PRKN: variants seen among roughly 807,000 people sequenced by gnomAD.
PRKN encodes the protein parkin RBR E3 ubiquitin protein ligase.
A neutral mutation model predicts 59.5 loss-of-function variants in PRKN; 56 were observed. The observed-to-expected ratio is 0.94, with a 90% confidence interval of 0.76 to 1.18. PRKN has a LOEUF of 1.18. Ranked by LOEUF, PRKN falls within the 50% of genes most tolerant of loss-of-function variation. The pLI is 0.00. For missense variants in PRKN, 657 were observed against 596.4 expected (o/e 1.10, Z -1.06); for synonymous variants, 250 against 222.1 (o/e 1.13, Z -1.12).
At chr6:162,014,628 A>G (rs1388551037) in intron 5 of PRKN, among the ~76,000 whole-genome samples, 1 of 152,092 alleles carries the variant, frequency 6.6e-6, no homozygotes, top group Non-Finnish European at 1.5e-5. Flanking sequence ...CTTCCTCCCT[A>G]TACCACTCCC....
At chr6:162,686,342 C>T (rs761960930) in intron 1 of PRKN, among the ~76,000 whole-genome samples, 1 of 152,116 alleles carries the variant, frequency 6.6e-6, no homozygotes, top group Non-Finnish European at 1.5e-5. Flanking sequence ...TAAATGATAA[C>T]TCCTGAGGAA....
At chr6:161,732,485 T>TGTG (rs113804410) in intron 7 of PRKN, among the ~76,000 whole-genome samples, 9,771 of 146,368 alleles carry the variant, frequency 0.067, 533 homozygotes, top group African/African-American at 0.14. Flanking sequence ...TTTTTTTTTT[T>TGTG]TGTGTGTGTG....
intron 1 of PRKN, among the ~76,000 whole-genome samples, chr6:162,502,397 GC>G (rs1793416049): frequency 6.6e-6 from 1 of 152,074 alleles, no homozygotes; most frequent in African/African-American, 2.4e-5. Context: ...CTGGGCTCAG[GC>G]CATTTCCCCA....
rs1490686171 is a variant in PRKN, at chr6:162,267,603, A to G, written c.172-4838T>C. ...TAATACAATTCTTTCTTTTTTTATA[A>G]CAATATATTAATCCAACAAGTAAGG... On this transcript the variant is annotated intron_variant, in intron 2 of 11. Transcript: ENST00000366898. Among the ~76,000 whole-genome samples the G allele has an allele frequency of 2.0e-5, 3 of 152,190 alleles. No individual in the cohort carries two copies. In the East Asian group the frequency reaches 5.8e-4, roughly 29 times the overall value.
chr6:161,502,295 G>A lies in PRKN; in HGVS notation c.1083+46559C>T, dbSNP rs150850330. On this transcript the variant is annotated intron_variant, in intron 9 of 11. Coordinates refer to ENST00000366898, the MANE Select transcript of PRKN (RefSeq NM_004562.3). This position sits in a 1 kb window ranked among gnomAD's most constrained non-coding sequence, Gnocchi z 4.0. ...CGCTGAGACATAAAGAGATTAAGAC[G>A]CTGTCAACCAAGCCAATAACAATAT... 3.2e-3 allele frequency among the ~76,000 whole-genome samples: 482 copies of A among 152,212 alleles called. 3 individuals are homozygous for A. The highest frequency in any genetic ancestry group is 0.01 in the African/African-American group (432 of 41,534).
rs753242642 is a variant in PRKN at position 161,462,657 on chromosome 6, T to C, written c.1084-75780A>G. The stretch of plus-strand genomic sequence containing the variant: ...ATATTAAAAAAATCAAAATTTAATA[T>C]GTCATTAACAGAGGTTAACTTGCTG... On this transcript the variant is annotated intron_variant, in intron 9 of 11. Transcript: ENST00000366898. The surrounding 1 kb of genome is among the most constrained non-coding windows in gnomAD (Gnocchi z 4.5). 2.6e-5 allele frequency among the ~76,000 whole-genome samples: 4 copies of C among 152,164 alleles called. No individual in the cohort carries two copies. The highest frequency in any genetic ancestry group is 6.5e-5 in the Admixed American group (1 of 15,274).
intron 8 of PRKN, among the ~76,000 whole-genome samples, chr6:161,557,252 C>A (rs1391180996): frequency 6.6e-6 from 1 of 152,024 alleles, no homozygotes; most frequent in African/African-American, 2.4e-5. Context: ...CTCATGGATT[C>A]TCTTAAGAAC....
At chr6:161,500,666 C>G (rs1449978559) in intron 9 of PRKN, among the ~76,000 whole-genome samples, 1 of 152,130 alleles carries the variant, frequency 6.6e-6, no homozygotes, top group Non-Finnish European at 1.5e-5. Flanking sequence ...TAATATCTCA[C>G]TGTCTGGAAG....
intron 2 of PRKN, among the ~76,000 whole-genome samples, chr6:162,440,884 T>C (rs114657084): frequency 9.3e-4 from 142 of 151,932 alleles, no homozygotes; most frequent in African/African-American, 3.3e-3. Context: ...TGTTCTAAGA[T>C]TATACAAGAA....
intron 1 of PRKN, among the ~76,000 whole-genome samples, chr6:162,608,003 T>C (rs1259999582): frequency 6.6e-6 from 1 of 152,184 alleles, no homozygotes; most frequent in East Asian, 1.9e-4. Flanking sequence ...CAATTTGTCC[T>C]CTTGGGCGTC....
In PRKN at chr6:162,716,768, GCACGCACACACACACGCGCA is replaced by G. The variant is rs1402199074; in HGVS notation, c.7+10874_7+10893del. The stretch of plus-strand genomic sequence containing the variant: ...ACACCCTACCCGCCTGCGCGCGCGC[GCACGCACACACACACGCGCA>G]CACACACACACACACACACAGACTC... On this transcript the variant is annotated intron_variant, in intron 1 of 11. Coordinates refer to ENST00000366898, the MANE Select transcript of PRKN (RefSeq NM_004562.3). Among the ~76,000 whole-genome samples the G allele has an allele frequency of 5.5e-3, 767 of 140,036 alleles. 7 individuals are homozygous for G. The highest frequency in any genetic ancestry group is 0.021 in the African/African-American group (701 of 33,786). 91.9% of individuals were successfully genotyped at this position (140,036 alleles called of 152,430 possible).
intron 1 of PRKN, among the ~76,000 whole-genome samples, chr6:162,458,022 G>A (rs1790963586): frequency 1.3e-5 from 2 of 151,880 alleles, no homozygotes; most frequent in South Asian, 2.1e-4. Flanking sequence ...TTGAGAGGCT[G>A]AGGTGGGTGG....
intron 5 of PRKN, among the ~76,000 whole-genome samples, chr6:161,977,363 T>C (rs533902743): frequency 1.7e-4 from 26 of 152,248 alleles, no homozygotes; most frequent in African/African-American, 6.0e-4. Flanking sequence ...ACAGGTGCAG[T>C]GGTTTTGCAT....
At chr6:162,500,235 G>A (rs918781244) in intron 1 of PRKN, among the ~76,000 whole-genome samples, 4 of 148,988 alleles carry the variant, frequency 2.7e-5, no homozygotes, top group Non-Finnish European at 5.9e-5. Context: ...TGCAGTGCAT[G>A]ATATCGGCTC....
intron 7 of PRKN, among the ~76,000 whole-genome samples, chr6:161,609,815 A>G (rs993178809): frequency 1.3e-5 from 2 of 152,166 alleles, no homozygotes; most frequent in Non-Finnish European, 1.5e-5. Flanking sequence ...GGGCTGGACT[A>G]CGGTTAGAGT....
chr6:161,572,007 A>G (rs13206635), intron 7 of PRKN, among the ~76,000 whole-genome samples: 86,380 of 152,068 alleles, frequency 0.57, 24,774 homozygotes, highest in Middle Eastern at 0.64. Context: ...CACAGACTGA[A>G]TTAGACCAAA....
chr6:162,523,003 A>G (rs980528196), intron 1 of PRKN, among the ~76,000 whole-genome samples: 3 of 152,178 alleles, frequency 2.0e-5, no homozygotes, highest in Non-Finnish European at 4.4e-5. Context: ...TATTACCAGC[A>G]TCGAAACCTT....
intron 4 of PRKN, among the ~76,000 whole-genome samples, chr6:162,163,721 G>A (rs1893556): frequency 0.085 from 12,656 of 148,828 alleles, 1,826 homozygotes; most frequent in East Asian, 0.4. Context: ...GCAAAGTTCC[G>A]TCCAACAGGG....
At chr6:161,923,720 C>A (rs770651335) in intron 6 of PRKN, among the ~76,000 whole-genome samples, 3 of 152,050 alleles carry the variant, frequency 2.0e-5, no homozygotes, top group Non-Finnish European at 2.9e-5. Context: ...CATCACGATC[C>A]TTTACCCCCT....
Sources: allele counts gnomAD v4.1 joint callset (sites outside exome capture counted in the v4.1 genomes callset), GRCh38; gene constraint gnomAD v4.1.1; non-coding constraint Gnocchi (gnomAD v3.1); transcripts MANE v1.5; gene names NCBI Gene and HGNC (gene_info 2026-07-23, HGNC 2026-07-21).